The following STPG2 variants were observed in gnomAD, a reference collection of about 807,000 sequenced individuals.
The protein encoded by STPG2 is sperm tail PG-rich repeat containing 2, also known as sperm-tail PG-rich repeat-containing protein 2.
Under a neutral mutation model 54.2 loss-of-function variants are expected in STPG2, and 56 were observed. The observed-to-expected ratio is 1.03, with a 90% confidence interval of 0.83 to 1.29. The LOEUF (loss-of-function observed/expected upper bound fraction) is 1.29. STPG2 is among the 50% of genes most tolerant of loss of function. STPG2 has a pLI of 0.00. For missense variants in STPG2, 596 were observed against 544.9 expected (o/e 1.09, Z -0.93); for synonymous variants, 200 against 181.8 (o/e 1.10, Z -0.81).
chr4:97,985,938 G>T (rs1734813235), intron 5 of STPG2, among the ~76,000 whole-genome samples: 1 of 145,648 alleles, frequency 6.9e-6, no homozygotes, highest in Admixed American at 6.8e-5. Flanking sequence ...AAGCGCACGT[G>T]AGCGCACACA....
intron 8 of STPG2, among the ~76,000 whole-genome samples, chr4:97,861,116 C>T (rs1414055668): frequency 6.6e-6 from 1 of 152,030 alleles, no homozygotes; most frequent in South Asian, 2.1e-4. Context: ...GATTAATAAC[C>T]AGATACAGGA....
At chr4:97,930,947 TTTGTG>T (rs1732523069) in intron 8 of STPG2, among the ~76,000 whole-genome samples, 1 of 152,196 alleles carries the variant, frequency 6.6e-6, no homozygotes, top group African/African-American at 2.4e-5. Flanking sequence ...TTTTGTGGCC[TTTGTG>T]AATGAGTTCA....
At chr4:97,478,331 T>C (rs899258544) in intron 4 of STPG2, among the ~76,000 whole-genome samples, 54 of 152,298 alleles carry the variant, frequency 3.5e-4, no homozygotes, top group African/African-American at 1.0e-3. Context: ...AAAAAGCACA[T>C]TGGAATCAGA....
chr4:98,120,451 T>C (rs1739647795), intron 3 of STPG2, among the ~76,000 whole-genome samples: 1 of 152,144 alleles, frequency 6.6e-6, no homozygotes, highest in South Asian at 2.1e-4. Flanking sequence ...CTGGGTCAAG[T>C]GGTATTTCTG....
intron 5 of STPG2, among the ~76,000 whole-genome samples, chr4:98,104,752 T>C (rs962005228): frequency 1.3e-5 from 2 of 152,220 alleles, no homozygotes; most frequent in East Asian, 1.9e-4. Context: ...TCAGAGCATA[T>C]ATGTAATTAG....
intron 4 of STPG2, among the ~76,000 whole-genome samples, chr4:97,506,743 G>T (rs976424401): frequency 2.6e-5 from 4 of 151,772 alleles, no homozygotes; most frequent in Non-Finnish European, 4.4e-5. Context: ...TGCATGTTAT[G>T]ATCTGTAAAT....
chr4:97,565,787 TC>T (rs1732414755), intron 10 of STPG2, among the ~76,000 whole-genome samples: 1 of 152,274 alleles, frequency 6.6e-6, no homozygotes, highest in African/African-American at 2.4e-5. Context: ...TGATCGTTCC[TC>T]TGGAAGTTTT....
chr4:97,870,275 A>G (rs1397714094), intron 8 of STPG2, among the ~76,000 whole-genome samples: 2 of 151,550 alleles, frequency 1.3e-5, no homozygotes, highest in Admixed American at 1.3e-4. Context: ...AAAATGTGAT[A>G]TAACAAAATA....
chr4:97,848,939 C>T (rs1729058643), intron 8 of STPG2, among the ~76,000 whole-genome samples: 1 of 149,730 alleles, frequency 6.7e-6, no homozygotes, highest in Non-Finnish European at 1.5e-5. Flanking sequence ...AGTGTGATGC[C>T]TCCAGCTTTG....
chr4:97,624,853 C>T (rs1734099357), intron 10 of STPG2, among the ~76,000 whole-genome samples: 1 of 152,124 alleles, frequency 6.6e-6, no homozygotes, highest in Non-Finnish European at 1.5e-5. Context: ...AGCCAGTTCT[C>T]CCAGCACCGT....
intron 9 of STPG2, among the ~76,000 whole-genome samples, chr4:97,833,804 A>T (rs1043557960): frequency 6.6e-6 from 1 of 152,180 alleles, no homozygotes; most frequent in African/African-American, 2.4e-5. Context: ...TCAAAACCAC[A>T]ATGAGATACC....
At chr4:97,566,245 G>A (rs952447366) in intron 10 of STPG2, among the ~76,000 whole-genome samples, 5 of 152,210 alleles carry the variant, frequency 3.3e-5, no homozygotes, top group African/African-American at 4.8e-5. Context: ...CGAGCCTGGT[G>A]CGGGATATAA....
intron 9 of STPG2, among the ~76,000 whole-genome samples, chr4:97,714,365 T>A (rs1724224190): frequency 6.6e-6 from 1 of 152,172 alleles, no homozygotes; most frequent in Non-Finnish European, 1.5e-5. Context: ...ATCAGCTCAA[T>A]TAAGACATAG....
At chr4:97,538,385 C>T (rs549705249) in intron 4 of STPG2, among the ~76,000 whole-genome samples, 6 of 152,260 alleles carry the variant, frequency 3.9e-5, no homozygotes, top group South Asian at 2.1e-4. Context: ...ACAACAACTA[C>T]GTGACAAATG....
chr4:97,536,058 T>C (rs1731522217), intron 4 of STPG2, among the ~76,000 whole-genome samples: 1 of 152,198 alleles, frequency 6.6e-6, no homozygotes, highest in African/African-American at 2.4e-5. Flanking sequence ...ACCCTGCAGC[T>C]TTGAACTCCT....
intron 3 of STPG2, among the ~76,000 whole-genome samples, chr4:98,111,985 A>G (rs1027465320): frequency 6.6e-6 from 1 of 151,968 alleles, no homozygotes; most frequent in Non-Finnish European, 1.5e-5. Flanking sequence ...GAGTTATACC[A>G]TCAGCTCCCG....
At chr4:97,861,888 C>T (rs945842239) in intron 8 of STPG2, among the ~76,000 whole-genome samples, 3 of 151,992 alleles carry the variant, frequency 2.0e-5, no homozygotes, top group Admixed American at 6.6e-5. Context: ...ATTTTGTCAC[C>T]ACCAGGCCTG....
intron 5 of STPG2, among the ~76,000 whole-genome samples, chr4:98,044,154 A>C (rs1737045945): frequency 6.6e-6 from 1 of 152,112 alleles, no homozygotes; most frequent in Non-Finnish European, 1.5e-5. Context: ...TATTAGCATA[A>C]TTTAGTTACC....
At chr4:97,639,968 C>T (rs1721709037) in intron 10 of STPG2, among the ~76,000 whole-genome samples, 1 of 151,988 alleles carries the variant, frequency 6.6e-6, no homozygotes, top group African/African-American at 2.4e-5. Flanking sequence ...CATTTTGTAG[C>T]AACCGTATGA....
Sources: allele counts gnomAD v4.1 joint callset (sites outside exome capture counted in the v4.1 genomes callset), GRCh38; gene constraint gnomAD v4.1.1; transcripts MANE v1.5; gene names NCBI Gene and HGNC (gene_info 2026-07-23, HGNC 2026-07-21).